The following PDE1A variants were observed in gnomAD, a reference collection of about 807,000 sequenced individuals.
PDE1A encodes dual specificity calcium/calmodulin-dependent 3',5'-cyclic nucleotide phosphodiesterase 1A.
Under a neutral mutation model 61.7 loss-of-function variants are expected in PDE1A, and 35 were observed. That is an observed-to-expected ratio of 0.57 (90% CI 0.43 to 0.75). PDE1A has a LOEUF of 0.75. Among genes scored for constraint, PDE1A ranks in the 30% least tolerant of loss-of-function variants. PDE1A has a pLI of 0.00. For missense variants in PDE1A, 597 were observed against 630.6 expected, an observed-to-expected ratio of 0.95 and a Z score of 0.57; for synonymous variants, 232 against 213.2, an observed-to-expected ratio of 1.09 and a Z score of -0.77.
rs1411699636 is a variant in PDE1A at position 182,512,600 on chromosome 2, G to A, written c.101+9676C>T. On this transcript the variant is annotated intron_variant, in intron 2 of 14. Transcript: ENST00000410103. ...ACCCAGCAATGTTTTTTTACCAGAC[G>A]AAATAGTTGAAATGACAGACACAGA... 5.3e-5 allele frequency among the ~76,000 whole-genome samples: 8 copies of A among 152,044 alleles called. 1 individual carries two copies. Among genetic ancestry groups the A allele is most frequent in the South Asian group, 4.2e-4 (2 of 4,818 alleles).
intron 2 of PDE1A, among the ~76,000 whole-genome samples, chr2:182,463,199 A>T (rs1377226652): frequency 6.6e-6 from 1 of 152,128 alleles, no homozygotes; most frequent in East Asian, 1.9e-4. Context: ...AGAGTGCGCC[A>T]CTGCACTCCA....
At chr2:182,543,021 G>A in the PDE1A span, among the ~76,000 whole-genome samples, 1 of 152,102 alleles carries the variant, frequency 6.6e-6, no homozygotes, top group Non-Finnish European at 1.5e-5. Context: ...CTGTGTTTTT[G>A]TGAGTGTACT....
chr2:182,490,066 C>T (rs1359978705), intron 2 of PDE1A, among the ~76,000 whole-genome samples: 2 of 96,412 alleles, frequency 2.1e-5, no homozygotes, highest in African/African-American at 9.2e-5. Context: ...AAGTGTTATT[C>T]TGGAAGCAGT....
At chr2:182,683,055 A>G in the PDE1A span, among the ~76,000 whole-genome samples, 1 of 151,716 alleles carries the variant, frequency 6.6e-6, no homozygotes, top group East Asian at 1.9e-4. Flanking sequence ...ATTGGAATAT[A>G]TGAATTGCAT....
intron 1 of PDE1A, among the ~76,000 whole-genome samples, chr2:182,269,410 C>T (rs1692857255): frequency 6.6e-6 from 1 of 151,852 alleles, no homozygotes; most frequent in Non-Finnish European, 1.5e-5. Context: ...ATCACTTGAA[C>T]CCAGGAGGAG....
intron 2 of PDE1A, among the ~76,000 whole-genome samples, chr2:182,482,178 C>T (rs980328160): frequency 6.6e-6 from 1 of 151,806 alleles, no homozygotes; most frequent in Non-Finnish European, 1.5e-5. Context: ...TAAAATCACT[C>T]TATTAATAAA....
intron 1 of PDE1A, among the ~76,000 whole-genome samples, chr2:182,292,171 C>T (rs575893198): frequency 8.7e-4 from 131 of 150,496 alleles, no homozygotes; most frequent in Non-Finnish European, 1.6e-3. Context: ...CACAAGTGTT[C>T]TTTTTATAAG....
At chr2:182,162,074 A>G (rs923225834) in intron 13 of PDE1A, among the ~76,000 whole-genome samples, 4 of 152,194 alleles carry the variant, frequency 2.6e-5, no homozygotes, top group African/African-American at 2.4e-5. Flanking sequence ...GGGAGGGTCC[A>G]GAAGATACAC....
the PDE1A span, among the ~76,000 whole-genome samples, chr2:182,643,799 G>C: frequency 6.6e-6 from 1 of 152,088 alleles, no homozygotes. Flanking sequence ...TGAAAGAATT[G>C]ATATGAAGGA....
intron 4 of PDE1A, among the ~76,000 whole-genome samples, chr2:182,233,335 C>A (rs573607010): frequency 3.3e-5 from 5 of 152,188 alleles, no homozygotes; most frequent in South Asian, 2.1e-4. Flanking sequence ...TGTTCCACCT[C>A]ATCAGCAGTG....
intron 2 of PDE1A, among the ~76,000 whole-genome samples, chr2:182,499,315 T>C (rs570039664): frequency 6.6e-6 from 1 of 151,978 alleles, no homozygotes; most frequent in South Asian, 2.1e-4. Flanking sequence ...TAGCTGGGAC[T>C]ACAGGCGCCC....
At chr2:182,551,070 C>T in the PDE1A span, among the ~76,000 whole-genome samples, 1 of 151,660 alleles carries the variant, frequency 6.6e-6, no homozygotes, top group African/African-American at 2.4e-5. Context: ...AAAAAAATCC[C>T]TGACCTTTAG....
intron 1 of PDE1A, among the ~76,000 whole-genome samples, chr2:182,332,295 C>T (rs1697466348): frequency 6.6e-6 from 1 of 152,146 alleles, no homozygotes; most frequent in African/African-American, 2.4e-5. Context: ...TGGGTTAGAA[C>T]ATGCTCCTTT....
the PDE1A span, among the ~76,000 whole-genome samples, chr2:182,615,713 C>A: frequency 6.6e-6 from 1 of 152,198 alleles, no homozygotes; most frequent in East Asian, 1.9e-4. Flanking sequence ...TGATAAGGTG[C>A]TTGGTGCTGC....
intron 2 of PDE1A, among the ~76,000 whole-genome samples, chr2:182,448,075 CT>C: frequency 6.6e-6 from 1 of 152,208 alleles, no homozygotes; most frequent in East Asian, 1.9e-4. Flanking sequence ...TGATGACAAG[CT>C]GCATTTTTAA....
chr2:182,449,535 C>G (rs376833722), intron 2 of PDE1A, among the ~76,000 whole-genome samples: 2 of 152,000 alleles, frequency 1.3e-5, no homozygotes, highest in Non-Finnish European at 2.9e-5. Context: ...CAAATATTGT[C>G]AACAACATTT....
chr2:182,603,365 G>C, the PDE1A span, among the ~76,000 whole-genome samples: 12 of 152,042 alleles, frequency 7.9e-5, no homozygotes, highest in Admixed American at 7.9e-4. Flanking sequence ...TTTGTTTTTG[G>C]AGATGAAGTC....
chr2:182,672,337 T>C, the PDE1A span, among the ~76,000 whole-genome samples: 1 of 152,226 alleles, frequency 6.6e-6, no homozygotes, highest in Non-Finnish European at 1.5e-5. Context: ...TACTTTACCA[T>C]TACTTTTAAT....
chr2:182,687,541 A>G, the PDE1A span, among the ~76,000 whole-genome samples: 206 of 152,342 alleles, frequency 1.4e-3, no homozygotes, highest in African/African-American at 4.7e-3. Flanking sequence ...GTACGTCACC[A>G]ATATCAAAGA....
Sources: gnomAD v4.1 joint callset for allele counts (sites outside exome capture counted in the v4.1 genomes callset) on GRCh38, gnomAD v4.1.1 for gene constraint, MANE v1.5 for transcripts, NCBI Gene and HGNC (gene_info 2026-07-23, HGNC 2026-07-21) for gene names.